The following NAA25 variants were observed in gnomAD, a reference collection of about 807,000 sequenced individuals.
NAA25 encodes the protein N-terminal acetyltransferase B complex subunit NAA25.
NAA25 carries 30 observed loss-of-function variants against 132.5 expected under a neutral mutation model. That is an observed-to-expected ratio of 0.23 (90% CI 0.17 to 0.31). The LOEUF (loss-of-function observed/expected upper bound fraction) is 0.31. Among genes scored for constraint, NAA25 ranks in the 10% least tolerant of loss-of-function variants. The probability of loss-of-function intolerance (pLI) is 1.00; values close to 1 mark genes in which losing one functional copy is unlikely to be tolerated. For synonymous variants in NAA25, 359 were observed against 401.9 expected, an observed-to-expected ratio of 0.89 and a Z score of 1.28; for missense variants, 771 against 1,150.4, an observed-to-expected ratio of 0.67 and a Z score of 4.77.
At chr12:112,033,912 T>G (rs80288216) in intron 22 of NAA25, 1 of 152,146 alleles carries the variant, frequency 6.6e-6, no homozygotes, top group African/African-American at 2.4e-5. Context: ...GGACAAAGAA[T>G]AGAAGACATA....
At chr12:112,105,000 G>A (rs2079341814) in intron 1 of NAA25, among the ~76,000 whole-genome samples, 2 of 151,558 alleles carry the variant, frequency 1.3e-5, no homozygotes, top group African/African-American at 4.8e-5. Flanking sequence ...CTGGGTGACA[G>A]AGCAAGACTC....
Position 112,108,757 on chromosome 12 carries a change from T to C in NAA25, c.17A>G (p.His6Arg), listed in dbSNP as rs1448900699. The C allele has an allele frequency of 5.9e-6, 9 of 1,527,108 alleles. No individual in the cohort carries two copies. The highest frequency in any genetic ancestry group is 7.9e-6 in the Non-Finnish European group (9 of 1,134,126). 94.6% of individuals were successfully genotyped at this position (1,527,108 alleles called of 1,614,324 possible). Residue 6 changes from histidine (H) to arginine (R), a missense_variant, in exon 1 of 24, where the codon CAT (histidine) becomes CGT (arginine). His to Arg is a conservative substitution (Grantham distance 29). Coordinates refer to ENST00000261745, the MANE Select transcript of NAA25 (RefSeq NM_024953.4). MATRGHVQDPNDRRLR... is the reference protein window; with the variant it reads MATRGRVQDPNDRRLR... Reference sequence around the variant, plus strand: ...GCGCCTGTCGTTAGGGTCCTGCACATGGCCCCGCGTCGCCATGATGACAAG... The same window carrying C: ...GCGCCTGTCGTTAGGGTCCTGCACACGGCCCCGCGTCGCCATGATGACAAG...
chr12:112,078,550 A>G, intron 6 of NAA25, 84 bp downstream of exon 6: 2 of 1,272,036 alleles, frequency 1.6e-6, no homozygotes, highest in South Asian at 1.3e-5. Context: ...AACTGGAACA[A>G]AACAACAGTT....
At chr12:112,071,804 T>C in intron 10 of NAA25, 91 bp downstream of exon 10, 1 of 963,560 alleles carries the variant, frequency 1.0e-6, no homozygotes, top group Non-Finnish European at 1.5e-6. Flanking sequence ...TTCCCAAACA[T>C]GACTCTGTCC....
At chr12:112,063,858 T>C (rs963391968) in intron 11 of NAA25, 4 of 152,200 alleles carry the variant, frequency 2.6e-5, no homozygotes, top group African/African-American at 9.6e-5. Flanking sequence ...TGCCTCTCAA[T>C]ATAAGCCTTG....
rs199734463 is a variant in NAA25, at chr12:112,094,240, CAAAAAAAAAAA to C, written c.59-1115_59-1105del. Reference sequence around the variant, plus strand: ...TAGGCGACAGAGGGAGACTCTGTCTCAAAAAAAAAAAAAAAAAAAAAAGAATACAAACTTAC... The same window carrying C: ...TAGGCGACAGAGGGAGACTCTGTCTCAAAAAAAAAAAGAATACAAACTTAC... On this transcript the variant is annotated intron_variant, in intron 1 of 23. Coordinates refer to ENST00000261745, the MANE Select transcript of NAA25 (RefSeq NM_024953.4). Among the ~76,000 whole-genome samples the C allele has an allele frequency of 1.0e-3, 70 of 69,298 alleles. 1 individual carries two copies. Among genetic ancestry groups the C allele is most frequent in the South Asian group, 2.1e-3 (5 of 2,330 alleles). The allele number at this position is 69,298 out of a possible 152,430, so 45.5% of individuals were successfully genotyped here. A position where few individuals can be genotyped will look rare whatever the true frequency, so the allele number is the denominator to read the frequency against.
chr12:112,033,478 G>A (rs1307924895), intron 22 of NAA25, 99 bp from the exon 23 acceptor site: 1 of 1,161,826 alleles, frequency 8.6e-7, no homozygotes, highest in Non-Finnish European at 1.2e-6. Flanking sequence ...TTTAAATAGT[G>A]GCATTTCAAA....
intron 4 of NAA25, among the ~76,000 whole-genome samples, chr12:112,086,073 TACACACAC>T (rs1555238727): frequency 7.4e-5 from 4 of 53,988 alleles, no homozygotes; most frequent in Non-Finnish European, 8.4e-5. Context: ...TATATATATA[TACACACAC>T]ACACACACAC....
chr12:112,098,281 T>G (rs1192917709), intron 1 of NAA25, among the ~76,000 whole-genome samples: 2 of 152,054 alleles, frequency 1.3e-5, no homozygotes, highest in Non-Finnish European at 2.9e-5. Context: ...GGATTTACAG[T>G]AACCGTCTTT....
chr12:112,093,176 T>C, intron 1 of NAA25, 40 bp from the exon 2 acceptor site: 1 of 1,183,054 alleles, frequency 8.5e-7, no homozygotes, highest in Non-Finnish European at 1.2e-6. Context: ...TTATATTCCT[T>C]CAATAACAAA....
At position 112,094,699 on chromosome 12, in the gene NAA25, G is replaced by A. The variant is rs371848484; in HGVS notation, c.59-1563C>T. On this transcript the variant is annotated intron_variant, in intron 1 of 23. Coordinates refer to ENST00000261745, the MANE Select transcript of NAA25 (RefSeq NM_024953.4). Reference sequence around the variant, plus strand: ...GTGTGAGACAGGGTCTTGCTCAGTCGCCCAAGTTGGAGTGCAATGGCACAA... The same window carrying A: ...GTGTGAGACAGGGTCTTGCTCAGTCACCCAAGTTGGAGTGCAATGGCACAA... 3.9e-4 allele frequency among the ~76,000 whole-genome samples: 59 copies of A among 152,216 alleles called. 2 individuals are homozygous for A. Among genetic ancestry groups the A allele is most frequent in the South Asian group, 3.7e-3 (18 of 4,822 alleles).
chr12:112,065,098 C>G (rs572027698), intron 11 of NAA25, among the ~76,000 whole-genome samples: 2 of 152,036 alleles, frequency 1.3e-5, no homozygotes, highest in Non-Finnish European at 2.9e-5. Flanking sequence ...TCACGGCTCA[C>G]GCCTGTAATC....
intron 1 of NAA25, among the ~76,000 whole-genome samples, chr12:112,097,846 G>A (rs544225028): frequency 4.6e-5 from 7 of 152,024 alleles, no homozygotes; most frequent in African/African-American, 1.7e-4. Flanking sequence ...GAGCAGACCC[G>A]GCGGCTCATG....
Position 112,054,551 on chromosome 12 carries a change from A to G in NAA25, c.1465T>C (p.Trp489Arg). Reference protein sequence around the residue: ...WRETGDETTVWQALTLLEEGL... With the variant: ...WRETGDETTVRQALTLLEEGL... ...TCTTCCAGCAAAGTCAGGGCCTGCC[A>G]CACAGTGGTCTCATCACCTAGAACC... The change falls in exon 14 of 24, where the codon TGG becomes CGG. Residue 489 changes from tryptophan to arginine, a missense_variant. Transcript: ENST00000261745. 1 of 1,613,850 alleles carries G rather than the reference A, an allele frequency of 6.2e-7. No individual in the cohort carries two copies. The highest frequency in any genetic ancestry group is 8.5e-7 in the Non-Finnish European group (1 of 1,179,948).
At chr12:112,057,795 C>A (rs899692054) in intron 13 of NAA25, among the ~76,000 whole-genome samples, 2 of 152,216 alleles carry the variant, frequency 1.3e-5, no homozygotes, top group Admixed American at 1.3e-4. Flanking sequence ...TCCTGGCCAA[C>A]ATGGTGAAAC....
In NAA25 at chr12:112,090,859, T is replaced by C. The variant is rs2079118142; in HGVS notation, c.150A>G (p.Leu50=). The change falls in exon 3 of 24, where the codon TTA becomes TTG. Residue 50 remains leucine, a synonymous_variant. Transcript: ENST00000261745. ...KHKDLHCAKV[L]KAIGLQRTGK... is the part of the protein sequence containing the mutation. ...CAGTTCTCTGTAAACCAATTGCCTT[T>C]AAAACCTGATAGCAACAAAAGAAAA... 5 of 1,595,496 alleles carry C rather than the reference T, an allele frequency of 3.1e-6. No homozygotes were observed. The Admixed American group carries it at 7.4e-5, about 24-fold the overall frequency.
In NAA25 at chr12:112,027,917, GCTACTC is replaced by G. The variant is rs2078104351; in HGVS notation, c.*1608_*1613del. The stretch of plus-strand genomic sequence containing the variant: ...GGGATAGGGTATATGACCAGCTGTT[GCTACTC>G]ATATCAAAAATAAATTTTTGAAATT... On this transcript the variant is annotated 3_prime_UTR_variant, in exon 24 of 24. Transcript: ENST00000261745. 6.6e-6 allele frequency: 1 copy of G among 152,176 alleles called. No individual in the cohort carries two copies. Among genetic ancestry groups the G allele is most frequent in the East Asian group, 1.9e-4 (1 of 5,194 alleles). The allele number at this position is 152,176 out of a possible 1,614,324, so 9.4% of individuals were successfully genotyped here.
At chr12:112,075,813 T>A in intron 7 of NAA25, 24 bp from the exon 8 acceptor site, 1 of 1,592,484 alleles carries the variant, frequency 6.3e-7, no homozygotes, top group Non-Finnish European at 8.6e-7. Flanking sequence ...TTATAAAAGT[T>A]GGTAAGCTGG....
intron 4 of NAA25, among the ~76,000 whole-genome samples, chr12:112,086,073 T>TATATATACAC (rs759148501): frequency 1.7e-3 from 91 of 53,934 alleles, no homozygotes; most frequent in African/African-American, 8.7e-3. Context: ...TATATATATA[T>TATATATACAC]ACACACACAC....
Sources: gnomAD v4.1 joint callset for allele counts (sites outside exome capture counted in the v4.1 genomes callset) on GRCh38, gnomAD v4.1.1 for gene constraint, MANE v1.5 for transcripts, NCBI Gene and HGNC (gene_info 2026-07-23, HGNC 2026-07-21) for gene names.